Variants in NCOR2 observed in about 807,000 individuals in gnomAD.
NCOR2 encodes nuclear receptor corepressor 2, also known as CTG repeat protein 26.
Under a neutral mutation model 262.9 loss-of-function variants are expected in NCOR2, and 81 were observed. That is an observed-to-expected ratio of 0.31 (90% CI 0.26 to 0.37). The LOEUF (loss-of-function observed/expected upper bound fraction) is 0.37, where lower values mean the gene tolerates loss of function less well. NCOR2 is among the 10% of genes least tolerant of loss of function. The pLI is 1.00. For synonymous variants in NCOR2, 1,659 were observed against 1,559.3 expected (o/e 1.06, Z -1.51); for missense variants, 3,385 against 3,621.4 (o/e 0.93, Z 1.68).
In NCOR2 at chr12:124,347,771, T is replaced by C. The variant is rs376750374; in HGVS notation, c.4072+54A>G. 118 of 1,535,732 alleles carry C rather than the reference T, an allele frequency of 7.7e-5. No homozygotes were observed. The African/African-American group carries it at 1.4e-3, about 18-fold the overall frequency. On this transcript the variant is annotated intron_variant, in intron 30 of 46. Coordinates refer to ENST00000405201, the Ensembl canonical transcript of NCOR2. Reference sequence around the variant, plus strand: ...GGCTGTGTCTCTCCCTCCCGCGCCCTGCGTGACTGTACACCCGTTGGGGGC... The same window carrying C: ...GGCTGTGTCTCTCCCTCCCGCGCCCCGCGTGACTGTACACCCGTTGGGGGC...
chr12:124,511,669 G>A (rs1364683991), intron 1 of NCOR2, among the ~76,000 whole-genome samples: 1 of 152,164 alleles, frequency 6.6e-6, no homozygotes, highest in African/African-American at 2.4e-5. Flanking sequence ...AAGAAAGGCA[G>A]GTTCAAGCAA....
intron 18 of NCOR2, among the ~76,000 whole-genome samples, chr12:124,376,366 T>C (rs1278143063): frequency 1.3e-5 from 2 of 152,226 alleles, no homozygotes; most frequent in East Asian, 1.9e-4. Flanking sequence ...TGGCCATGGC[T>C]TGGCTTCCTG....
intron 7 of NCOR2, among the ~76,000 whole-genome samples, chr12:124,445,480 C>T (rs1392228268): frequency 6.6e-6 from 1 of 152,208 alleles, no homozygotes; most frequent in Non-Finnish European, 1.5e-5. Flanking sequence ...GGAAGTCAAG[C>T]GTGAAATTAA....
exon 46 of NCOR2, chr12:124,326,239 G>T: frequency 6.5e-7 from 1 of 1,545,180 alleles, no homozygotes; most frequent in Non-Finnish European, 8.7e-7. Context: ...AGCGGCGTCC[G>T]GCGGTTGCAG....
At chr12:124,460,460 TCCAGCAGGGC>T (rs2136587126) in intron 5 of NCOR2, among the ~76,000 whole-genome samples, 1 of 152,282 alleles carries the variant, frequency 6.6e-6, no homozygotes, top group East Asian at 1.9e-4. Flanking sequence ...GCTGCTATCG[TCCAGCAGGGC>T]CCAGCACAGG....
intron 1 of NCOR2, among the ~76,000 whole-genome samples, chr12:124,507,431 G>A (rs1252603084): frequency 1.3e-5 from 2 of 152,102 alleles, no homozygotes; most frequent in African/African-American, 2.4e-5. Flanking sequence ...GTGTTGTTCC[G>A]CGGTGGCCCC....
chr12:124,445,162 C>A (rs892495048), intron 7 of NCOR2, among the ~76,000 whole-genome samples: 1 of 152,238 alleles, frequency 6.6e-6, no homozygotes, highest in African/African-American at 2.4e-5. Context: ...AACCCCCGGG[C>A]AGGCAGAGGC....
intron 14 of NCOR2, among the ~76,000 whole-genome samples, chr12:124,401,237 A>G (rs546775764): frequency 4.7e-4 from 71 of 150,836 alleles, no homozygotes; most frequent in Admixed American, 4.6e-3. Context: ...AAAAGAAAGG[A>G]TGGGGGTGTA....
rs1227810908 is a variant in NCOR2, at chr12:124,549,544, C to T, written c.-164-13933G>A. 1.3e-5 allele frequency among the ~76,000 whole-genome samples: 2 copies of T among 152,068 alleles called. No individual in the cohort carries two copies. Among genetic ancestry groups the T allele is most frequent in the Non-Finnish European group, 2.9e-5 (2 of 67,994 alleles). ...GTACCAAGGGCTTCTGCCCCAGCGC[C>T]GGGGCACAGCGGGCTGAGGGAGCCC... On this transcript the variant is annotated intron_variant, in intron 1 of 32. Coordinates refer to the NCOR2 transcript ENST00000458234. This position sits in a 1 kb window ranked among gnomAD's most constrained non-coding sequence, Gnocchi z 4.4.
chr12:124,501,174 C>A (rs1419055806), intron 1 of NCOR2, among the ~76,000 whole-genome samples: 1 of 152,072 alleles, frequency 6.6e-6, no homozygotes, highest in Non-Finnish European at 1.5e-5. Flanking sequence ...GGCGGAACCA[C>A]GGCGGGAACA....
chr12:124,400,290 C>T (rs541582753), intron 15 of NCOR2, among the ~76,000 whole-genome samples: 1 of 152,268 alleles, frequency 6.6e-6, no homozygotes, highest in South Asian at 2.1e-4. Flanking sequence ...CCACTGAGAA[C>T]ATGAGGACCC....
chr12:124,435,176 A>T (rs1274493279), intron 8 of NCOR2, among the ~76,000 whole-genome samples: 4 of 152,114 alleles, frequency 2.6e-5, no homozygotes, highest in Non-Finnish European at 5.9e-5. Flanking sequence ...CTTTCTGGTC[A>T]TTCCCACCTC....
chr12:124,512,263 A>T (rs2049436369), intron 1 of NCOR2, among the ~76,000 whole-genome samples: 1 of 152,140 alleles, frequency 6.6e-6, no homozygotes, highest in Non-Finnish European at 1.5e-5. Flanking sequence ...GTCCAAAATC[A>T]AGGCGTCAGC....
intron 1 of NCOR2, among the ~76,000 whole-genome samples, chr12:124,551,312 A>C (rs2051706397): frequency 6.6e-6 from 1 of 152,196 alleles, no homozygotes; most frequent in Non-Finnish European, 1.5e-5. Flanking sequence ...TTTGACCTAC[A>C]AAACTAGCAG....
chr12:124,350,299 C>T (rs1302599503), intron 28 of NCOR2, among the ~76,000 whole-genome samples: 1 of 152,006 alleles, frequency 6.6e-6, no homozygotes, highest in Non-Finnish European at 1.5e-5. Context: ...GGAGGCCTGG[C>T]GGCGTGAGCT....
intron 1 of NCOR2, among the ~76,000 whole-genome samples, chr12:124,533,053 C>A (rs1018368278): frequency 5.5e-5 from 8 of 144,148 alleles, no homozygotes; most frequent in African/African-American, 1.9e-4. Flanking sequence ...CCTCCTCCCC[C>A]ACCCCAGTCC....
chr12:124,351,483 T>C (rs990681216), intron 27 of NCOR2, among the ~76,000 whole-genome samples: 9 of 152,254 alleles, frequency 5.9e-5, no homozygotes, highest in African/African-American at 9.6e-5. Flanking sequence ...CCCACCAAGT[T>C]AGGACAATCG....
At chr12:124,436,338 C>T (rs545696388) in intron 8 of NCOR2, among the ~76,000 whole-genome samples, 10 of 152,258 alleles carry the variant, frequency 6.6e-5, no homozygotes, top group Middle Eastern at 3.4e-3. Context: ...TGCCTCAACA[C>T]AGCTGAGGGA....
intron 1 of NCOR2, among the ~76,000 whole-genome samples, chr12:124,527,319 A>G (rs1472536953): frequency 6.6e-6 from 1 of 152,238 alleles, no homozygotes; most frequent in East Asian, 1.9e-4. Flanking sequence ...GACCTCGGGC[A>G]AGATGCGGAA....
Sources: gnomAD v4.1 joint callset for allele counts (sites outside exome capture counted in the v4.1 genomes callset) on GRCh38, gnomAD v4.1.1 for gene constraint, Gnocchi (gnomAD v3.1) non-coding constraint, MANE v1.5 for transcripts, NCBI Gene and HGNC (gene_info 2026-07-23, HGNC 2026-07-21) for gene names.